DCC: variants seen among roughly 807,000 people sequenced by gnomAD.
DCC encodes netrin receptor DCC.
Under a neutral mutation model 172.5 loss-of-function variants are expected in DCC, and 58 were observed. The ratio of observed to expected loss-of-function variants is 0.34; its 90% CI spans 0.27 to 0.42. DCC has a LOEUF of 0.42. Ranked by LOEUF, DCC falls within the 10% of genes least tolerant of loss-of-function variation. The pLI, the probability that DCC is intolerant of heterozygous loss-of-function variation, is 1.00. For missense variants in DCC, 1,740 were observed against 1,791.0 expected (o/e 0.97, Z 0.51); for synonymous variants, 709 against 644.5 (o/e 1.10, Z -1.52).
At position 52,892,149 on chromosome 18, in the gene DCC, T is replaced by A. The variant is rs969465966; in HGVS notation, c.413-13895T>A. On this transcript the variant is annotated intron_variant, in intron 2 of 28. Coordinates refer to ENST00000442544, the MANE Select transcript of DCC (RefSeq NM_005215.4). ...TTGAACCACGCATCTTTTAAATAAA[T>A]ACTTCTTGATGCTTTAATACTTCTT... Among the ~76,000 whole-genome samples the A allele has an allele frequency of 2.6e-5, 4 of 152,236 alleles. No individual in the cohort carries two copies. In the East Asian group the frequency reaches 7.7e-4, roughly 29 times the overall value.
At chr18:53,119,256 C>G (rs2043449470) in intron 7 of DCC, among the ~76,000 whole-genome samples, 1 of 151,814 alleles carries the variant, frequency 6.6e-6, no homozygotes, top group South Asian at 2.1e-4. Flanking sequence ...TCCAGTAAAT[C>G]AAATACTTTG....
chr18:52,809,786 G>T (rs1232913079), intron 2 of DCC, among the ~76,000 whole-genome samples: 1 of 152,192 alleles, frequency 6.6e-6, no homozygotes, highest in Admixed American at 6.5e-5. Context: ...CCCAAAGGGG[G>T]TTGCCACTCC....
intron 1 of DCC, among the ~76,000 whole-genome samples, chr18:52,671,309 GATTCTAA>G (rs1193485684): frequency 6.6e-6 from 1 of 152,112 alleles, no homozygotes; most frequent in Non-Finnish European, 1.5e-5. Flanking sequence ...GTGTGTGACT[GATTCTAA>G]AAGTGACACA....
At chr18:53,130,622 A>G (rs546236321) in intron 7 of DCC, among the ~76,000 whole-genome samples, 1 of 152,108 alleles carries the variant, frequency 6.6e-6, no homozygotes, top group Non-Finnish European at 1.5e-5. Flanking sequence ...TGTGCCTAAC[A>G]CAAAATTCCG....
At chr18:53,447,733 T>G (rs1174792632) in intron 22 of DCC, among the ~76,000 whole-genome samples, 1 of 152,166 alleles carries the variant, frequency 6.6e-6, no homozygotes, top group Non-Finnish European at 1.5e-5. Context: ...GTTAATTTAT[T>G]CCAATCTATT....
chr18:53,213,647 C>CAAAAAAA lies in DCC; in HGVS notation c.1862-1880_1862-1874dup, dbSNP rs34284373. 2.8e-4 allele frequency among the ~76,000 whole-genome samples: 10 copies of CAAAAAAA among 35,372 alleles called. 1 individual carries two copies. Among genetic ancestry groups the CAAAAAAA allele is most frequent in the African/African-American group, 6.0e-4 (10 of 16,666 alleles). 23.2% of individuals were successfully genotyped at this position (35,372 alleles called of 152,430 possible). ...TGGGTGACAGAGCGAGACTCCGTCT[C>CAAAAAAA]AAAAAAAAAAAAAAAAAAAAAAAAA... On this transcript the variant is annotated intron_variant, in intron 11 of 28. Transcript: ENST00000442544.
intron 7 of DCC, among the ~76,000 whole-genome samples, chr18:53,068,918 C>T (rs372421601): frequency 1.3e-5 from 2 of 151,782 alleles, no homozygotes; most frequent in East Asian, 1.9e-4. Context: ...GCTGAGAGAC[C>T]AAAGAAAGAG....
At chr18:52,737,700 A>G (rs2145106459) in intron 1 of DCC, among the ~76,000 whole-genome samples, 1 of 152,248 alleles carries the variant, frequency 6.6e-6, no homozygotes, top group South Asian at 2.1e-4. Context: ...TCTGGACTAG[A>G]GGACTGTTGG....
chr18:53,505,954 T>TA (rs1174720371), intron 27 of DCC, among the ~76,000 whole-genome samples: 8 of 152,234 alleles, frequency 5.3e-5, no homozygotes, highest in African/African-American at 1.9e-4. Context: ...AGCATCTTTT[T>TA]AAAAATCAAC....
chr18:53,383,710 G>A (rs1357839145), intron 15 of DCC, among the ~76,000 whole-genome samples: 1 of 151,560 alleles, frequency 6.6e-6, no homozygotes, highest in Non-Finnish European at 1.5e-5. Context: ...AGCTGGAAGA[G>A]AGAAAAAGTA....
chr18:52,457,277 G>A (rs1305337567), intron 1 of DCC, among the ~76,000 whole-genome samples: 1 of 152,172 alleles, frequency 6.6e-6, no homozygotes, highest in African/African-American at 2.4e-5. Context: ...ACCTAGAGCA[G>A]TGTCTCATAA....
intron 7 of DCC, among the ~76,000 whole-genome samples, chr18:53,143,036 C>T (rs986172697): frequency 6.6e-6 from 1 of 152,106 alleles, no homozygotes; most frequent in African/African-American, 2.4e-5. Flanking sequence ...TACTTCTTGC[C>T]ACATAATATC....
intron 1 of DCC, among the ~76,000 whole-genome samples, chr18:52,376,445 A>T (rs746891192): frequency 2.6e-5 from 4 of 152,038 alleles, no homozygotes; most frequent in Non-Finnish European, 5.9e-5. Flanking sequence ...GAATAGAAAG[A>T]ATAGACTTGA....
chr18:53,305,530 T>C (rs1477370447), intron 12 of DCC, 48 bp from the exon 13 acceptor site: 1 of 1,515,062 alleles, frequency 6.6e-7, no homozygotes, highest in Non-Finnish European at 9.2e-7. Context: ...CCCTGTCCCA[T>C]TGTCCTTTCT....
At chr18:52,913,713 C>T (rs1208278139) in intron 3 of DCC, among the ~76,000 whole-genome samples, 4 of 151,952 alleles carry the variant, frequency 2.6e-5, no homozygotes, top group Non-Finnish European at 5.9e-5. Flanking sequence ...AAAATATGGT[C>T]ATTTCTGCAT....
At chr18:53,446,419 G>A (rs367837181) in intron 22 of DCC, among the ~76,000 whole-genome samples, 1 of 152,178 alleles carries the variant, frequency 6.6e-6, no homozygotes, top group Admixed American at 6.5e-5. Flanking sequence ...ATATTTGCAA[G>A]TCTTTGAATG....
At chr18:53,446,184 A>ACTGAG (rs1292645142) in intron 22 of DCC, among the ~76,000 whole-genome samples, 1 of 151,816 alleles carries the variant, frequency 6.6e-6, no homozygotes, top group Non-Finnish European at 1.5e-5. Flanking sequence ...TACTAGGGAA[A>ACTGAG]CTGAGATGGG....
At chr18:52,907,890 T>C (rs561878750) in intron 3 of DCC, among the ~76,000 whole-genome samples, 1 of 152,302 alleles carries the variant, frequency 6.6e-6, no homozygotes, top group African/African-American at 2.4e-5. Context: ...ATGATGATTT[T>C]AAAAAAGTCA....
chr18:53,224,937 C>T (rs1349183205), intron 12 of DCC, among the ~76,000 whole-genome samples: 1 of 152,028 alleles, frequency 6.6e-6, no homozygotes, highest in Non-Finnish European at 1.5e-5. Context: ...GAGTCACTGT[C>T]ATATTGATAA....
Sources: allele counts gnomAD v4.1 joint callset (sites outside exome capture counted in the v4.1 genomes callset), GRCh38; gene constraint gnomAD v4.1.1; transcripts MANE v1.5; gene names NCBI Gene and HGNC (gene_info 2026-07-23, HGNC 2026-07-21).